ST18: variants seen among roughly 807,000 people sequenced by gnomAD.
ST18 encodes the protein suppression of tumorigenicity 18 protein.
Under a neutral mutation model 110.0 loss-of-function variants are expected in ST18, and 50 were observed. The ratio of observed to expected loss-of-function variants is 0.45; its 90% CI spans 0.36 to 0.58. The LOEUF is 0.58. Ranked by LOEUF, ST18 falls within the 20% of genes least tolerant of loss-of-function variation. ST18 has a pLI of 0.00. For synonymous variants in ST18, 461 were observed against 452.4 expected (o/e 1.02, Z -0.24); for missense variants, 1,306 against 1,280.1 (o/e 1.02, Z -0.31).
intron 2 of ST18, among the ~76,000 whole-genome samples, chr8:52,355,475 ATAAAGATTAC>A: frequency 6.6e-6 from 1 of 152,356 alleles, no homozygotes; most frequent in South Asian, 2.1e-4. Context: ...GATAATGATA[ATAAAGATTAC>A]TAAAAAAGGA....
chr8:52,355,611 G>T (rs889901789), intron 2 of ST18, among the ~76,000 whole-genome samples: 1 of 152,136 alleles, frequency 6.6e-6, no homozygotes, highest in African/African-American at 2.4e-5. Context: ...TTTGGAATTC[G>T]GTCAAAAACT....
intron 16 of ST18, among the ~76,000 whole-genome samples, chr8:52,144,365 T>C (rs968524847): frequency 5.9e-5 from 9 of 152,072 alleles, no homozygotes; most frequent in Admixed American, 2.6e-4. Context: ...AAAAATACTA[T>C]AGCAAAATAT....
intron 23 of ST18, among the ~76,000 whole-genome samples, chr8:52,124,540 A>G (rs1402385821): frequency 6.6e-6 from 1 of 152,206 alleles, no homozygotes; most frequent in East Asian, 1.9e-4. Flanking sequence ...TCCTTTAAAT[A>G]CTATTTGAAA....
chr8:52,174,800 G>A lies in ST18; in HGVS notation c.278-2217C>T, dbSNP rs142309504. Among the ~76,000 whole-genome samples the A allele has an allele frequency of 3.3e-5, 5 of 152,302 alleles. No individual in the cohort carries two copies. In the East Asian group the frequency reaches 9.7e-4, roughly 29 times the overall value. ...ACAGCACACGCGGGTTTCTAGGGAT[G>A]TTCTGCAAATCTGCAAACCAACTTT... On this transcript the variant is annotated intron_variant, in intron 9 of 25. Coordinates refer to ENST00000689386, the MANE Select transcript of ST18 (RefSeq NM_001352837.2).
intron 24 of ST18, among the ~76,000 whole-genome samples, chr8:52,116,815 T>G (rs1259133455): frequency 3.3e-5 from 5 of 152,098 alleles, no homozygotes; most frequent in Admixed American, 2.6e-4. Flanking sequence ...CTCCACTGGC[T>G]CCTCCTTCAA....
chr8:52,114,182 CT>C (rs2041640784), intron 25 of ST18, among the ~76,000 whole-genome samples: 2 of 151,878 alleles, frequency 1.3e-5, no homozygotes, highest in Admixed American at 6.6e-5. Context: ...GTTGGCCAGG[CT>C]GGTCTCAAAC....
At chr8:52,128,721 T>A (rs2048053788) in intron 22 of ST18, among the ~76,000 whole-genome samples, 1 of 152,164 alleles carries the variant, frequency 6.6e-6, no homozygotes, top group Admixed American at 6.5e-5. Context: ...GGACCCATCA[T>A]TAAACCTTAG....
chr8:52,390,435 C>A (rs1838906859), intron 2 of ST18, among the ~76,000 whole-genome samples: 3 of 152,052 alleles, frequency 2.0e-5, no homozygotes, highest in African/African-American at 7.3e-5. Flanking sequence ...TATTAGTGGA[C>A]AAGATGCATT....
chr8:52,373,324 G>C (rs1233505842), intron 2 of ST18, among the ~76,000 whole-genome samples: 1 of 152,032 alleles, frequency 6.6e-6, no homozygotes, highest in Non-Finnish European at 1.5e-5. Context: ...CCAACTTATG[G>C]TTACTTATGA....
Position 52,126,024 on chromosome 8 carries a change from G to A in ST18, c.2755+28C>T, listed in dbSNP as rs373194399. On this transcript the variant is annotated intron_variant, in intron 23 of 25. Coordinates refer to ENST00000689386, the MANE Select transcript of ST18 (RefSeq NM_001352837.2). The stretch of plus-strand genomic sequence containing the variant: ...AGCCAGGGTCTACACCCTGCAGGAG[G>A]TGGTGACAGCCAGCCCTGTGCTCTT... 1.1e-5 allele frequency: 18 copies of A among 1,601,940 alleles called. No individual in the cohort carries two copies. In the South Asian group the frequency reaches 1.9e-4, roughly 17 times the overall value.
At chr8:52,367,628 C>A (rs1828642962) in intron 2 of ST18, among the ~76,000 whole-genome samples, 1 of 152,118 alleles carries the variant, frequency 6.6e-6, no homozygotes, top group Non-Finnish European at 1.5e-5. Context: ...ATTACAATAG[C>A]CCCAAAAGGA....
intron 2 of ST18, among the ~76,000 whole-genome samples, chr8:52,256,325 C>A (rs566134367): frequency 6.6e-6 from 1 of 152,184 alleles, no homozygotes; most frequent in African/African-American, 2.4e-5. Context: ...GATACTCCAA[C>A]GCAAGGACAA....
At chr8:52,326,800 A>T (rs1267992429) in intron 2 of ST18, among the ~76,000 whole-genome samples, 1 of 152,218 alleles carries the variant, frequency 6.6e-6, no homozygotes, top group African/African-American at 2.4e-5. Context: ...ATTTGAGGAC[A>T]GTGATTTAAC....
At chr8:52,352,719 A>T (rs1820945496) in intron 2 of ST18, among the ~76,000 whole-genome samples, 1 of 152,190 alleles carries the variant, frequency 6.6e-6, no homozygotes, top group Non-Finnish European at 1.5e-5. Context: ...AGTGGGATGG[A>T]TAAATAAGCC....
At chr8:52,130,824 T>A (rs1354446184) in intron 22 of ST18, among the ~76,000 whole-genome samples, 1 of 152,234 alleles carries the variant, frequency 6.6e-6, no homozygotes, top group East Asian at 1.9e-4. Context: ...AGCATTAATA[T>A]TTCATTAGCA....
At chr8:52,278,146 T>C (rs2095309859) in intron 2 of ST18, among the ~76,000 whole-genome samples, 1 of 152,222 alleles carries the variant, frequency 6.6e-6, no homozygotes, top group South Asian at 2.1e-4. Flanking sequence ...CTGGATGCTG[T>C]GGATTTTAAT....
Position 52,111,181 on chromosome 8 carries a change from T to C in ST18, c.*2017A>G, listed in dbSNP as rs1399556683. On this transcript the variant is annotated 3_prime_UTR_variant, in exon 26 of 26. Coordinates refer to ENST00000689386, the MANE Select transcript of ST18 (RefSeq NM_001352837.2). ...AGTCATAGCAAATTATAGTAATAAA[T>C]ATGTAGGTTGGTAAGAGATTTCTTT... is the stretch of plus-strand genomic sequence containing the variant. The C allele has an allele frequency of 2.6e-6, 1 of 386,060 alleles. No individual in the cohort carries two copies. Among genetic ancestry groups the C allele is most frequent in the Non-Finnish European group, 4.6e-6 (1 of 218,108 alleles). The allele number at this position is 386,060 out of a possible 1,614,324, so 23.9% of individuals were successfully genotyped here. A position where few individuals can be genotyped will look rare whatever the true frequency, so the allele number is the denominator to read the frequency against.
intron 14 of ST18, among the ~76,000 whole-genome samples, chr8:52,161,153 A>G (rs2061353605): frequency 6.6e-6 from 1 of 152,242 alleles, no homozygotes; most frequent in South Asian, 2.1e-4. Context: ...TAATTAATTC[A>G]TTAACTATTC....
chr8:52,332,530 C>CTTT (rs140331895), intron 2 of ST18, among the ~76,000 whole-genome samples: 4 of 49,762 alleles, frequency 8.0e-5, no homozygotes, highest in African/African-American at 1.3e-4. Context: ...TCTAATGTAG[C>CTTT]TTTTTTTTTT....
Sources: allele counts gnomAD v4.1 joint callset (sites outside exome capture counted in the v4.1 genomes callset), GRCh38; gene constraint gnomAD v4.1.1; transcripts MANE v1.5; gene names NCBI Gene and HGNC (gene_info 2026-07-23, HGNC 2026-07-21).